Variants in PRKCB observed in about 807,000 individuals in gnomAD.
PRKCB encodes the protein protein kinase C beta.
A neutral mutation model predicts 81.5 loss-of-function variants in PRKCB; 13 were observed. The ratio of observed to expected loss-of-function variants is 0.16; its 90% CI spans 0.10 to 0.25. PRKCB has a LOEUF of 0.25. Ranked by LOEUF, PRKCB falls within the 10% of genes least tolerant of loss-of-function variation. The pLI is 1.00. For synonymous variants in PRKCB, 335 were observed against 321.4 expected (o/e 1.04, Z -0.45); for missense variants, 509 against 875.7 (o/e 0.58, Z 5.29).
At chr16:24,163,837 ACT>A (rs1016949374) in intron 10 of PRKCB, among the ~76,000 whole-genome samples, 17 of 152,260 alleles carry the variant, frequency 1.1e-4, no homozygotes, top group Middle Eastern at 3.4e-3. Flanking sequence ...GAAGGTAGAG[ACT>A]CTAAGTAACT....
chr16:24,094,391 C>G, intron 7 of PRKCB, 94 bp downstream of exon 7: 1 of 1,482,200 alleles, frequency 6.7e-7, no homozygotes, highest in Non-Finnish European at 9.2e-7. Context: ...AATTGAAATA[C>G]TAAAACAGAG....
chr16:24,056,119 A>T (rs1475414869), intron 5 of PRKCB, among the ~76,000 whole-genome samples: 1 of 152,236 alleles, frequency 6.6e-6, no homozygotes, highest in Non-Finnish European at 1.5e-5. Flanking sequence ...CAACTCAGGG[A>T]TGGGTGTGCT....
intron 2 of PRKCB, among the ~76,000 whole-genome samples, chr16:23,925,377 T>C (rs538714743): frequency 5.3e-5 from 8 of 152,174 alleles, no homozygotes; most frequent in South Asian, 4.1e-4. Context: ...TGACTGGTCA[T>C]TGGGTATCTG....
chr16:23,846,764 G>T (rs1392226450), intron 2 of PRKCB, among the ~76,000 whole-genome samples: 2 of 152,000 alleles, frequency 1.3e-5, no homozygotes, highest in Non-Finnish European at 2.9e-5. Context: ...ACAGAGAAGG[G>T]AAGTTCAGTG....
chr16:23,928,684 G>T (rs1040215821), intron 2 of PRKCB, among the ~76,000 whole-genome samples: 4 of 151,888 alleles, frequency 2.6e-5, no homozygotes, highest in African/African-American at 4.8e-5. Flanking sequence ...CCTGGAGGAG[G>T]TGATTTTGGT....
chr16:23,844,078 A>T (rs1962318425), intron 2 of PRKCB, among the ~76,000 whole-genome samples: 1 of 152,256 alleles, frequency 6.6e-6, no homozygotes, highest in Non-Finnish European at 1.5e-5. Context: ...ATTACTAAGT[A>T]TAATTTAAAA....
At chr16:23,938,112 C>T (rs572379587) in intron 2 of PRKCB, among the ~76,000 whole-genome samples, 23 of 152,248 alleles carry the variant, frequency 1.5e-4, no homozygotes, top group African/African-American at 4.6e-4. Context: ...CCATTACTAG[C>T]GAAAACATCA....
At chr16:24,025,628 A>G (rs1965469316) in intron 3 of PRKCB, among the ~76,000 whole-genome samples, 1 of 152,202 alleles carries the variant, frequency 6.6e-6, no homozygotes, top group African/African-American at 2.4e-5. Flanking sequence ...GCCGTGATGG[A>G]GAGGATTTAG....
intron 6 of PRKCB, 77 bp from the exon 7 acceptor site, chr16:24,094,086 C>T (rs1966409693): frequency 7.4e-6 from 11 of 1,492,314 alleles, no homozygotes; most frequent in Non-Finnish European, 1.0e-5. Flanking sequence ...ACCTCCAGGT[C>T]TTGTCCTCTT....
chr16:24,036,952 A>C (rs1202027197), intron 5 of PRKCB, among the ~76,000 whole-genome samples: 1 of 152,108 alleles, frequency 6.6e-6, no homozygotes, highest in East Asian at 1.9e-4. Context: ...TCTAAACCTT[A>C]CGTGTTATCT....
intron 7 of PRKCB, among the ~76,000 whole-genome samples, chr16:24,112,106 T>C (rs181723713): frequency 6.6e-6 from 1 of 152,290 alleles, no homozygotes; most frequent in Non-Finnish European, 1.5e-5. Flanking sequence ...CTACAGCACA[T>C]TTTGGGAAAA....
intron 3 of PRKCB, among the ~76,000 whole-genome samples, chr16:24,021,272 C>A (rs1377751380): frequency 8.7e-6 from 1 of 114,912 alleles, no homozygotes; most frequent in Admixed American, 1.0e-4. Context: ...CTTTCTTTTT[C>A]TTTCTTTTCT....
In PRKCB at chr16:23,907,944, G is replaced by A. The variant is rs376140145; in HGVS notation, c.205+70538G>A. On this transcript the variant is annotated intron_variant, in intron 2 of 16. Transcript: ENST00000643927. ...ATGTTTTGTGATTTAACAGCATATC[G>A]GTTTATTGTCTTATTTTTCTTAGGA... Among the ~76,000 whole-genome samples the A allele has an allele frequency of 4.5e-4, 68 of 152,312 alleles. 2 individuals carry two copies. In the South Asian group the frequency reaches 0.012, roughly 28 times the overall value.
At chr16:23,906,096 G>T (rs1425953205) in intron 2 of PRKCB, among the ~76,000 whole-genome samples, 3 of 152,140 alleles carry the variant, frequency 2.0e-5, no homozygotes, top group African/African-American at 7.2e-5. Flanking sequence ...GAGGACGGAG[G>T]ATATGTGCTT....
rs890327548 is a variant in PRKCB, at chr16:24,218,817, G to C, written c.*4001G>C. The C allele has an allele frequency of 5.1e-6, 5 of 985,398 alleles. No homozygotes were observed. The highest frequency in any genetic ancestry group is 6.0e-6 in the Non-Finnish European group (5 of 829,954). The allele number at this position is 985,398 out of a possible 1,614,324, so 61.0% of individuals were successfully genotyped here. ...TGTGCAGGGCACTAGGGAATACAAGGCCTTCTTCCCTGGTTGTCTTGTAAT... is the reference window on the plus strand; with the variant it reads ...TGTGCAGGGCACTAGGGAATACAAGCCCTTCTTCCCTGGTTGTCTTGTAAT... On this transcript the variant is annotated 3_prime_UTR_variant, in exon 17 of 17. Coordinates refer to ENST00000643927, the MANE Select transcript of PRKCB (RefSeq NM_002738.7).
intron 3 of PRKCB, among the ~76,000 whole-genome samples, chr16:24,011,760 C>T (rs1185226014): frequency 6.6e-6 from 1 of 152,190 alleles, no homozygotes; most frequent in African/African-American, 2.4e-5. Context: ...GCTGGGATTA[C>T]AGGCATGAAC....
intron 3 of PRKCB, among the ~76,000 whole-genome samples, chr16:24,021,072 C>CTCCCTCCTTTCTTTCTTTCT: frequency 1.1e-5 from 1 of 94,368 alleles, no homozygotes; most frequent in African/African-American, 4.3e-5. Flanking sequence ...CCCTCCCTCC[C>CTCCCTCCTTTCTTTCTTTCT]TTCTTTCTTT....
At chr16:24,209,646 A>G (rs78423113) in intron 16 of PRKCB, among the ~76,000 whole-genome samples, 8,119 of 151,964 alleles carry the variant, frequency 0.053, 329 homozygotes, top group East Asian at 0.18. Flanking sequence ...AATATACCCC[A>G]CATCCGAATG....
intron 2 of PRKCB, among the ~76,000 whole-genome samples, chr16:23,907,066 A>G (rs1000617550): frequency 6.6e-6 from 1 of 152,108 alleles, no homozygotes; most frequent in Admixed American, 6.5e-5. Flanking sequence ...CCTTGGCATT[A>G]TTGACATTGG....
Sources: allele counts gnomAD v4.1 joint callset (sites outside exome capture counted in the v4.1 genomes callset), GRCh38; gene constraint gnomAD v4.1.1; transcripts MANE v1.5; gene names NCBI Gene and HGNC (gene_info 2026-07-23, HGNC 2026-07-21).